URI1: variants seen among roughly 807,000 people sequenced by gnomAD.
The protein encoded by URI1 is unconventional prefoldin RPB5 interactor 1.
Under a neutral mutation model 60.2 loss-of-function variants are expected in URI1, and 39 were observed. That is an observed-to-expected ratio of 0.65 (90% CI 0.50 to 0.85). The LOEUF (loss-of-function observed/expected upper bound fraction) is 0.85, where lower values mean the gene tolerates loss of function less well. Ranked by LOEUF, URI1 falls within the 40% of genes least tolerant of loss-of-function variation. The pLI is 0.00. For missense variants in URI1, 691 were observed against 665.9 expected (o/e 1.04, Z -0.42); for synonymous variants, 251 against 236.8 (o/e 1.06, Z -0.55).
chr19:30,009,874 T>C (rs1414929080), intron 8 of URI1, among the ~76,000 whole-genome samples: 1 of 152,190 alleles, frequency 6.6e-6, no homozygotes, highest in East Asian at 1.9e-4. Flanking sequence ...TTTGGCATTT[T>C]AGAGCTGGGG....
intron 1 of URI1, among the ~76,000 whole-genome samples, chr19:29,931,618 T>G (rs976864914): frequency 2.6e-5 from 4 of 152,236 alleles, no homozygotes; most frequent in Non-Finnish European, 5.9e-5. Context: ...AATTGTCATC[T>G]TAACAATATT....
At chr19:29,997,306 TTTATC>T (rs1296207275) in intron 4 of URI1, among the ~76,000 whole-genome samples, 1 of 152,178 alleles carries the variant, frequency 6.6e-6, no homozygotes, top group African/African-American at 2.4e-5. Flanking sequence ...ATTTGTCTAT[TTTATC>T]TAAATTATCA....
At chr19:30,001,968 C>A (rs1316426099) in intron 4 of URI1, among the ~76,000 whole-genome samples, 1 of 151,890 alleles carries the variant, frequency 6.6e-6, no homozygotes, top group Non-Finnish European at 1.5e-5. Flanking sequence ...ACATCCTGTC[C>A]AGAGGTTTGT....
At chr19:29,963,742 A>G (rs998436334) in intron 1 of URI1, among the ~76,000 whole-genome samples, 4 of 152,300 alleles carry the variant, frequency 2.6e-5, no homozygotes, top group African/African-American at 9.6e-5. Context: ...ACTGAAGCAG[A>G]TGCAGTGGGA....
intron 2 of URI1, among the ~76,000 whole-genome samples, chr19:29,983,721 A>C (rs1002239228): frequency 6.6e-6 from 1 of 152,232 alleles, no homozygotes; most frequent in Non-Finnish European, 1.5e-5. Flanking sequence ...TTTGACGGGC[A>C]TCTTGGCATA....
At chr19:29,963,029 C>T (rs2055346585) in intron 1 of URI1, among the ~76,000 whole-genome samples, 1 of 152,160 alleles carries the variant, frequency 6.6e-6, no homozygotes, top group African/African-American at 2.4e-5. Flanking sequence ...TCCGCCTACC[C>T]CCAGCTGCAC....
chr19:29,926,928 G>T (rs2054873115), intron 1 of URI1, among the ~76,000 whole-genome samples: 1 of 152,242 alleles, frequency 6.6e-6, no homozygotes, highest in Non-Finnish European at 1.5e-5. Context: ...GCACCTGCTT[G>T]TACTGAGTCT....
At chr19:29,969,503 C>T (rs554321203) in intron 1 of URI1, among the ~76,000 whole-genome samples, 6 of 152,168 alleles carry the variant, frequency 3.9e-5, no homozygotes, top group Non-Finnish European at 8.8e-5. Flanking sequence ...TAGAAGATTT[C>T]CTCGAAGGTC....
chr19:29,933,788 C>T (rs1444254218), intron 1 of URI1, among the ~76,000 whole-genome samples: 1 of 150,860 alleles, frequency 6.6e-6, no homozygotes, highest in Non-Finnish European at 1.5e-5. Flanking sequence ...TGCTACTGCA[C>T]TCCAGCCTGG....
chr19:30,003,624 T>C (rs2055903774), intron 4 of URI1, among the ~76,000 whole-genome samples: 1 of 152,102 alleles, frequency 6.6e-6, no homozygotes. Context: ...GCGTGAGTTA[T>C]GATGAATTTT....
intron 1 of URI1, among the ~76,000 whole-genome samples, chr19:29,931,318 A>G (rs334993): frequency 0.95 from 144,828 of 152,244 alleles, 68,935 homozygotes; most frequent in East Asian, 1. Context: ...GAAACTAAGG[A>G]TCCATGATGA....
chr19:29,932,701 G>C (rs1459550316), intron 1 of URI1, among the ~76,000 whole-genome samples: 1 of 150,130 alleles, frequency 6.7e-6, no homozygotes, highest in African/African-American at 2.5e-5. Flanking sequence ...GCCCGGGCTG[G>C]AGTGCAGTGG....
rs3049080 is a variant in URI1 at position 29,927,560 on chromosome 19, C to CTTTTTTTTTTTTTT, written c.63+3819_63+3832dup. ...TACAAGCATGAGCCACTGCACCCGG[C>CTTTTTTTTTTTTTT]TTTTTTTTTTTTTTTTTTTTTTTTT... On this transcript the variant is annotated intron_variant, in intron 1 of 10. Coordinates refer to the URI1 transcript ENST00000360605. 5.3e-4 allele frequency among the ~76,000 whole-genome samples: 21 copies of CTTTTTTTTTTTTTT among 39,812 alleles called. 1 individual carries two copies. Among genetic ancestry groups the CTTTTTTTTTTTTTT allele is most frequent in the African/African-American group, 2.2e-3 (17 of 7,840 alleles). The allele number at this position is 39,812 out of a possible 152,430, so 26.1% of individuals were successfully genotyped here. A position where few individuals can be genotyped will look rare whatever the true frequency, so the allele number is the denominator to read the frequency against.
chr19:29,974,758 T>C (rs2055500484), intron 2 of URI1, among the ~76,000 whole-genome samples: 1 of 152,178 alleles, frequency 6.6e-6, no homozygotes, highest in African/African-American at 2.4e-5. Flanking sequence ...GCTCTTGTAT[T>C]CCCCAGTGTT....
chr19:29,977,524 C>G (rs2055538195), intron 2 of URI1, among the ~76,000 whole-genome samples: 1 of 147,442 alleles, frequency 6.8e-6, no homozygotes, highest in Non-Finnish European at 1.5e-5. Context: ...TGTAGAGGGC[C>G]TTCTGTTTGG....
At chr19:29,984,939 G>A (rs953385670) in intron 2 of URI1, among the ~76,000 whole-genome samples, 2 of 151,766 alleles carry the variant, frequency 1.3e-5, no homozygotes, top group African/African-American at 4.8e-5. Context: ...GACCAACATG[G>A]TGAAACCTCC....
Position 30,015,363 on chromosome 19 carries a change from T to C in URI1, c.*294T>C, listed in dbSNP as rs2056073466. 2 of 1,432,636 alleles carry C rather than the reference T, an allele frequency of 1.4e-6. No individual in the cohort carries two copies. Among genetic ancestry groups the C allele is most frequent in the Admixed American group, 2.9e-5 (1 of 34,400 alleles). 88.7% of individuals were successfully genotyped at this position (1,432,636 alleles called of 1,614,324 possible). On this transcript the variant is annotated 3_prime_UTR_variant, in exon 11 of 11. Transcript: ENST00000392271. The stretch of plus-strand genomic sequence containing the variant: ...TACTTTTCAAAGAATACTGTTCATA[T>C]GCATTGTTTTTGTGTTTCAAACTAA...
At chr19:29,978,263 T>C (rs922544712) in intron 2 of URI1, among the ~76,000 whole-genome samples, 1 of 152,178 alleles carries the variant, frequency 6.6e-6, no homozygotes, top group Non-Finnish European at 1.5e-5. Context: ...TTTAAACTAT[T>C]ATTAAAAAAA....
rs182293477 is a variant in URI1, at chr19:29,955,050, G to C, written c.117+12386G>C. Among the ~76,000 whole-genome samples, 815 of 151,566 alleles carry C rather than the reference G, an allele frequency of 5.4e-3. 10 individuals carry two copies. Among genetic ancestry groups the C allele is most frequent in the African/African-American group, 0.019 (778 of 41,294 alleles). On this transcript the variant is annotated intron_variant, in intron 1 of 10. Coordinates refer to ENST00000392271, the MANE Select transcript of URI1 (RefSeq NM_003796.3). ...GATGGAGTCTCGCTCTGTTGCTCAG[G>C]CTGGAGTGCAGCGGTGCATTCTCGG...
Sources: allele counts gnomAD v4.1 joint callset (sites outside exome capture counted in the v4.1 genomes callset), GRCh38; gene constraint gnomAD v4.1.1; transcripts MANE v1.5; gene names NCBI Gene and HGNC (gene_info 2026-07-23, HGNC 2026-07-21).